PTPRD: variants seen among roughly 807,000 people sequenced by gnomAD.
PTPRD encodes protein tyrosine phosphatase receptor type D.
Under a neutral mutation model 214.5 loss-of-function variants are expected in PTPRD, and 34 were observed. That is an observed-to-expected ratio of 0.16 (90% CI 0.12 to 0.21). PTPRD has a LOEUF of 0.21. PTPRD is among the 10% of genes least tolerant of loss of function. PTPRD has a pLI of 1.00. For synonymous variants in PTPRD, 1,128 were observed against 845.7 expected, an observed-to-expected ratio of 1.33 and a Z score of -5.79; for missense variants, 2,545 against 2,398.7, an observed-to-expected ratio of 1.06 and a Z score of -1.27.
At chr9:9,397,883 C>A (rs2068525470) in intron 8 of PTPRD, among the ~76,000 whole-genome samples, 1 of 152,000 alleles carries the variant, frequency 6.6e-6, no homozygotes, top group South Asian at 2.1e-4. Flanking sequence ...TATACACCAC[C>A]TTCCTGAGCT....
chr9:10,355,335 A>C (rs2097256917), intron 2 of PTPRD, among the ~76,000 whole-genome samples: 1 of 152,030 alleles, frequency 6.6e-6, no homozygotes, highest in Non-Finnish European at 1.5e-5. Flanking sequence ...AGGTACTCAG[A>C]CTTCCCAGGT....
intron 2 of PTPRD, among the ~76,000 whole-genome samples, chr9:10,408,301 T>TA (rs1297929797): frequency 6.6e-6 from 1 of 151,656 alleles, no homozygotes; most frequent in Non-Finnish European, 1.5e-5. Context: ...AGGTCTCTAT[T>TA]ATTTCCTTAG....
In PTPRD at chr9:9,128,262, A is replaced by G. The variant is rs1364147935; in HGVS notation, c.-143+55042T>C. On this transcript the variant is annotated intron_variant, in intron 10 of 45. Coordinates refer to ENST00000381196, the MANE Select transcript of PTPRD (RefSeq NM_002839.4). ...TTCTAAATATGAGGTATGTATATCTATATTTCAAAATATTTAGGTCATTAG... is the reference window on the plus strand; with the variant it reads ...TTCTAAATATGAGGTATGTATATCTGTATTTCAAAATATTTAGGTCATTAG... Among the ~76,000 whole-genome samples the G allele has an allele frequency of 2.0e-5, 3 of 152,182 alleles. No individual in the cohort carries two copies. In the East Asian group the frequency reaches 5.8e-4, roughly 29 times the overall value.
chr9:10,363,997 T>TTGTTTTG (rs769486650), intron 2 of PTPRD, among the ~76,000 whole-genome samples: 9 of 31,260 alleles, frequency 2.9e-4, no homozygotes, highest in Non-Finnish European at 1.2e-3. Flanking sequence ...TCGGGTTTTT[T>TTGTTTTG]TTTTTTTTTT....
chr9:9,400,531 G>T (rs941754469), intron 8 of PTPRD, among the ~76,000 whole-genome samples: 1 of 151,584 alleles, frequency 6.6e-6, no homozygotes. Flanking sequence ...CAAAAAAAAA[G>T]TTTTTTTTCA....
intron 11 of PTPRD, among the ~76,000 whole-genome samples, chr9:8,780,323 G>A (rs1225590954): frequency 6.6e-6 from 1 of 151,888 alleles, no homozygotes; most frequent in East Asian, 1.9e-4. Flanking sequence ...CCGAGAGTAG[G>A]TGTAAACATG....
intron 30 of PTPRD, among the ~76,000 whole-genome samples, chr9:8,475,975 A>G (rs372615513): frequency 8.3e-4 from 126 of 152,288 alleles, no homozygotes; most frequent in Non-Finnish European, 1.3e-3. Context: ...AAACATTTCA[A>G]TGGATCCTCA....
chr9:10,568,938 A>G (rs191099113), intron 2 of PTPRD, among the ~76,000 whole-genome samples: 1 of 152,116 alleles, frequency 6.6e-6, no homozygotes, highest in Non-Finnish European at 1.5e-5. Context: ...TAATTAAACT[A>G]AAGAGCTTCT....
chr9:10,420,391 T>C (rs958915528), intron 2 of PTPRD, among the ~76,000 whole-genome samples: 2 of 151,920 alleles, frequency 1.3e-5, no homozygotes, highest in South Asian at 4.1e-4. Flanking sequence ...TTCATTTTCA[T>C]AGGACATAAT....
intron 3 of PTPRD, among the ~76,000 whole-genome samples, chr9:10,200,291 T>G (rs954833483): frequency 6.6e-6 from 1 of 152,122 alleles, no homozygotes; most frequent in Non-Finnish European, 1.5e-5. Flanking sequence ...GTATAACATA[T>G]AGATCAGTGG....
intron 9 of PTPRD, among the ~76,000 whole-genome samples, chr9:9,340,065 T>C (rs1374169046): frequency 2.6e-5 from 4 of 152,050 alleles, no homozygotes; most frequent in East Asian, 1.9e-4. Context: ...GTAAGAGAGA[T>C]AGATAAATGG....
intron 12 of PTPRD, among the ~76,000 whole-genome samples, chr9:8,640,395 G>A (rs2154333519): frequency 6.6e-6 from 1 of 151,988 alleles, no homozygotes; most frequent in East Asian, 1.9e-4. Context: ...ACCATTGGAT[G>A]CTACTGTAGG....
At chr9:9,963,553 A>G (rs750194707) in intron 4 of PTPRD, among the ~76,000 whole-genome samples, 1 of 152,208 alleles carries the variant, frequency 6.6e-6, no homozygotes, top group Non-Finnish European at 1.5e-5. Flanking sequence ...ATACAGTGGC[A>G]ACGTCACTTT....
intron 2 of PTPRD, among the ~76,000 whole-genome samples, chr9:10,478,349 T>C (rs1049279577): frequency 1.3e-5 from 2 of 152,144 alleles, no homozygotes; most frequent in African/African-American, 2.4e-5. Flanking sequence ...CCATTTGCTA[T>C]GTGATTTTGG....
chr9:9,992,458 T>C (rs1182888602), intron 4 of PTPRD, among the ~76,000 whole-genome samples: 3 of 152,128 alleles, frequency 2.0e-5, no homozygotes, highest in African/African-American at 4.8e-5. Flanking sequence ...GGGCATATAC[T>C]CAGAGGATTA....
chr9:9,339,049 T>C (rs1378652474), intron 9 of PTPRD, among the ~76,000 whole-genome samples: 1 of 152,120 alleles, frequency 6.6e-6, no homozygotes, highest in Non-Finnish European at 1.5e-5. Context: ...GAGCTATAAA[T>C]GGAAAATACA....
intron 11 of PTPRD, among the ~76,000 whole-genome samples, chr9:8,828,657 T>C (rs1044543247): frequency 6.6e-6 from 1 of 152,194 alleles, no homozygotes; most frequent in South Asian, 2.1e-4. Context: ...TCTGTAGCAG[T>C]TGAAGAACTA....
intron 8 of PTPRD, among the ~76,000 whole-genome samples, chr9:9,570,591 G>A (rs998470522): frequency 9.9e-5 from 15 of 151,452 alleles, no homozygotes; most frequent in African/African-American, 3.4e-4. Context: ...GGCTGGTGGA[G>A]GATAAGAAGT....
At chr9:8,832,403 A>C (rs2097313318) in intron 11 of PTPRD, among the ~76,000 whole-genome samples, 1 of 123,490 alleles carries the variant, frequency 8.1e-6, no homozygotes, top group South Asian at 2.7e-4. Flanking sequence ...GGGGCAGCTA[A>C]AATCATCTTT....
Sources: gnomAD v4.1 joint callset for allele counts (sites outside exome capture counted in the v4.1 genomes callset) on GRCh38, gnomAD v4.1.1 for gene constraint, MANE v1.5 for transcripts, NCBI Gene and HGNC (gene_info 2026-07-23, HGNC 2026-07-21) for gene names.